The following LAPTM4A variants were observed in gnomAD, a reference collection of about 807,000 sequenced individuals.
LAPTM4A encodes lysosomal protein transmembrane 4 alpha, also known as lysosomal-associated transmembrane protein 4A.
LAPTM4A carries 19 observed loss-of-function variants against 29.9 expected under a neutral mutation model. The ratio of observed to expected loss-of-function variants is 0.64; its 90% CI spans 0.44 to 0.93. LAPTM4A has a LOEUF of 0.93. Ranked by LOEUF, LAPTM4A falls within the 40% of genes least tolerant of loss-of-function variation. The pLI is 0.00. For missense variants in LAPTM4A, 293 were observed against 288.5 expected, an observed-to-expected ratio of 1.02 and a Z score of -0.11; for synonymous variants, 105 against 102.1, an observed-to-expected ratio of 1.03 and a Z score of -0.17.
intron 2 of LAPTM4A, among the ~76,000 whole-genome samples, chr2:20,037,924 G>C (rs1673715006): frequency 6.6e-6 from 1 of 152,132 alleles, no homozygotes; most frequent in African/African-American, 2.4e-5. Context: ...ATGAGCCCAG[G>C]AATCTGAAGA....
At chr2:20,041,752 C>T (rs779703778) in intron 1 of LAPTM4A, among the ~76,000 whole-genome samples, 46 of 152,144 alleles carry the variant, frequency 3.0e-4, no homozygotes, top group Admixed American at 2.9e-3. Context: ...CCAGGCTGGT[C>T]TCTAATTCCT....
rs1048505025 is a variant in LAPTM4A at position 20,034,257 on chromosome 2, C to A, written c.627+60G>T. On this transcript the variant is annotated intron_variant, in intron 6 of 6. Transcript: ENST00000175091. ...GAAAGAGAAAGTCAAGCTCCAGGTT[C>A]TTCTCCTGGAACAGTCAATAGTGAC... The A allele has an allele frequency of 1.7e-5, 19 of 1,124,956 alleles. No individual in the cohort carries two copies. In the African/African-American group the frequency reaches 2.8e-4, roughly 16 times the overall value. 69.7% of individuals were successfully genotyped at this position (1,124,956 alleles called of 1,614,324 possible).
At chr2:20,046,673 G>A (rs952969927) in intron 1 of LAPTM4A, among the ~76,000 whole-genome samples, 2 of 145,740 alleles carry the variant, frequency 1.4e-5, no homozygotes, top group African/African-American at 5.0e-5. Context: ...ATATATGTAT[G>A]TATGTGTGTG....
At chr2:20,045,489 T>C (rs1339998053) in intron 1 of LAPTM4A, among the ~76,000 whole-genome samples, 1 of 151,618 alleles carries the variant, frequency 6.6e-6, no homozygotes, top group Non-Finnish European at 1.5e-5. Context: ...AAAGATTAAA[T>C]TATTAACTTC....
At chr2:20,043,300 C>T in intron 1 of LAPTM4A, among the ~76,000 whole-genome samples, 1 of 150,452 alleles carries the variant, frequency 6.6e-6, no homozygotes, top group African/African-American at 2.4e-5. Flanking sequence ...CTGCAGCTTC[C>T]ACCTCTTGGG....
intron 1 of LAPTM4A, 95 bp downstream of exon 1, chr2:20,051,315 C>A: frequency 1.3e-6 from 1 of 757,684 alleles, no homozygotes; most frequent in Non-Finnish European, 2.3e-6. Flanking sequence ...CAAGTCCCCG[C>A]CCCACCCAAC....
intron 1 of LAPTM4A, among the ~76,000 whole-genome samples, chr2:20,045,985 T>C (rs768486281): frequency 1.1e-4 from 16 of 152,284 alleles, no homozygotes; most frequent in Middle Eastern, 3.4e-3. Context: ...AAGATCAAAA[T>C]TGACTATCTT....
chr2:20,050,244 G>T (rs1674024030), intron 1 of LAPTM4A, among the ~76,000 whole-genome samples: 1 of 152,244 alleles, frequency 6.6e-6, no homozygotes, highest in South Asian at 2.1e-4. Context: ...GGTGGGCCAT[G>T]AAACAGTATC....
Position 20,037,422 on chromosome 2 carries a change from A to G in LAPTM4A, c.326T>C (p.Leu109Pro). The G allele has an allele frequency of 1.2e-6, 2 of 1,611,548 alleles. No homozygotes were observed. Among genetic ancestry groups the G allele is most frequent in the Non-Finnish European group, 1.7e-6 (2 of 1,179,294 alleles). Residue 109 changes from leucine to proline, a missense_variant, in exon 4 of 7, where the codon CTG becomes CCG. Physicochemically the swap from Leu to Pro is moderately conservative, Grantham distance 98 (BLOSUM62 -3). Transcript: ENST00000175091. ...YGAISYQVGW[L>P]IPFFCYRLFD... The stretch of plus-strand genomic sequence containing the variant: ...AAGTCGGTAACAGAAGAATGGAATC[A>G]GCCAACCCACTTGATACTGGAGAAA...
intron 6 of LAPTM4A, among the ~76,000 whole-genome samples, chr2:20,034,063 A>G (rs1376627211): frequency 6.6e-6 from 1 of 152,160 alleles, no homozygotes; most frequent in Non-Finnish European, 1.5e-5. Flanking sequence ...CATCTCCCCT[A>G]CAAACATGAC....
At chr2:20,046,723 T>A (rs1673928150) in intron 1 of LAPTM4A, among the ~76,000 whole-genome samples, 1 of 141,402 alleles carries the variant, frequency 7.1e-6, no homozygotes, top group South Asian at 2.3e-4. Flanking sequence ...TATTTATATA[T>A]TATATATCTA....
At position 20,040,966 on chromosome 2, in the gene LAPTM4A, G is replaced by A; in HGVS notation, c.157C>T (p.His53Tyr). The stretch of plus-strand genomic sequence containing the variant: ...TTGACAGCTGGCATGGAGTTTGGAT[G>A]AGTCACTTCCACAGTCAGCAAAATT... ...MAILLTVEVT[H>Y]PNSMPAVNIQ... The change falls in exon 2 of 7, where the codon CAT (histidine) becomes TAT (tyrosine). Residue 53 changes from histidine (H) to tyrosine (Y), a missense_variant. His to Tyr is a moderately conservative substitution (Grantham distance 83). Coordinates refer to ENST00000175091, the MANE Select transcript of LAPTM4A (RefSeq NM_014713.5). The A allele has an allele frequency of 1.2e-6, 2 of 1,613,298 alleles. No homozygotes were observed. The highest frequency in any genetic ancestry group is 1.7e-6 in the Non-Finnish European group (2 of 1,179,238).
At chr2:20,049,157 A>C (rs1674000634) in intron 1 of LAPTM4A, among the ~76,000 whole-genome samples, 1 of 152,236 alleles carries the variant, frequency 6.6e-6, no homozygotes. Flanking sequence ...GTGTTAGACA[A>C]GAAACATTTG....
chr2:20,037,399 G>T lies in LAPTM4A; in HGVS notation c.349C>A (p.Leu117Ile), dbSNP rs1465780488. The change falls in exon 4 of 7, where the codon CTT (leucine) becomes ATT (isoleucine). Residue 117 changes from leucine to isoleucine, a missense_variant. Transcript: ENST00000175091. ...GWLIPFFCYR[L>I]FDFVLSCLVA... Reference sequence around the variant, plus strand: ...AGGCAACTGAGGACGAAGTCAAAAAGTCGGTAACAGAAGAATGGAATCAGC... The same window carrying T: ...AGGCAACTGAGGACGAAGTCAAAAATTCGGTAACAGAAGAATGGAATCAGC... 16 of 1,612,512 alleles carry T rather than the reference G, an allele frequency of 9.9e-6. No homozygotes were observed. Among genetic ancestry groups the T allele is most frequent in the Non-Finnish European group, 1.2e-5 (14 of 1,179,484 alleles).
At chr2:20,035,281 G>C (rs1673656954) in intron 4 of LAPTM4A, 3 of 484,598 alleles carry the variant, frequency 6.2e-6, no homozygotes, top group Admixed American at 7.0e-5. Flanking sequence ...AACCCACAAT[G>C]CTCCAAAAAG....
At chr2:20,046,697 T>G (rs1474544473) in intron 1 of LAPTM4A, among the ~76,000 whole-genome samples, 2 of 146,744 alleles carry the variant, frequency 1.4e-5, no homozygotes, top group African/African-American at 5.0e-5. Flanking sequence ...ATATATATTT[T>G]TATATGTTTT....
chr2:20,043,874 G>C (rs1673858790), intron 1 of LAPTM4A, among the ~76,000 whole-genome samples: 1 of 151,898 alleles, frequency 6.6e-6, no homozygotes, highest in South Asian at 2.1e-4. Context: ...TGAGCTGACA[G>C]ATGGGAGAAT....
In LAPTM4A at chr2:20,035,017, A is replaced by G. The variant is rs375804430; in HGVS notation, c.478T>C (p.Cys160Arg). 3 of 1,612,980 alleles carry G rather than the reference A, an allele frequency of 1.9e-6. No homozygotes were observed. The highest frequency in any genetic ancestry group is 2.5e-6 in the Non-Finnish European group (3 of 1,179,310). The change falls in exon 5 of 7, where the codon TGC (cysteine) becomes CGC (arginine). Residue 160 changes from cysteine (C) to arginine (R), a missense_variant. Coordinates refer to ENST00000175091, the MANE Select transcript of LAPTM4A (RefSeq NM_014713.5). ...AACACAAGAACAATGAACAGGAGGC[A>G]GCTGGAGTCCAAGGCCAGGAGGTCA... ...KDDLLALDSS[C>R]LLFIVLVFFA...
intron 4 of LAPTM4A, among the ~76,000 whole-genome samples, chr2:20,037,090 T>A (rs1673692799): frequency 6.6e-6 from 1 of 152,222 alleles, no homozygotes; most frequent in Non-Finnish European, 1.5e-5. Context: ...TATCCATTTC[T>A]AGGAACTCTT....
Sources: gnomAD v4.1 joint callset for allele counts (sites outside exome capture counted in the v4.1 genomes callset) on GRCh38, gnomAD v4.1.1 for gene constraint, MANE v1.5 for transcripts, NCBI Gene and HGNC (gene_info 2026-07-23, HGNC 2026-07-21) for gene names.